The following ATP8A1 variants were observed in gnomAD, a reference collection of about 807,000 sequenced individuals.
ATP8A1 encodes the protein ATPase phospholipid transporting 8A1.
A neutral mutation model predicts 177.7 loss-of-function variants in ATP8A1; 90 were observed. That is an observed-to-expected ratio of 0.51 (90% CI 0.43 to 0.60). The LOEUF is 0.60. ATP8A1 is among the 20% of genes least tolerant of loss of function. ATP8A1 has a pLI of 0.00. For synonymous variants in ATP8A1, 493 were observed against 485.9 expected, an observed-to-expected ratio of 1.01 and a Z score of -0.19; for missense variants, 1,072 against 1,392.8, an observed-to-expected ratio of 0.77 and a Z score of 3.67.
intron 20 of ATP8A1, among the ~76,000 whole-genome samples, chr4:42,542,281 T>C (rs980281815): frequency 6.6e-6 from 1 of 152,136 alleles, no homozygotes; most frequent in Admixed American, 6.6e-5. Flanking sequence ...TGGAAGTCCA[T>C]CATTTTTTAT....
At chr4:42,625,880 A>C in intron 2 of ATP8A1, 167 bp from the exon 3 acceptor site, 1 of 429,620 alleles carries the variant, frequency 2.3e-6, no homozygotes, top group South Asian at 6.0e-5. Context: ...AAAGAGTGAA[A>C]AGGTTAAATA....
At chr4:42,611,611 ATCC>A (rs1736384853) in intron 5 of ATP8A1, among the ~76,000 whole-genome samples, 1 of 140,882 alleles carries the variant, frequency 7.1e-6, no homozygotes, top group Non-Finnish European at 1.6e-5. Flanking sequence ...AACTCCATCC[ATCC>A]TTTCCCAGGC....
At chr4:42,549,460 T>A (rs1350967700) in intron 18 of ATP8A1, among the ~76,000 whole-genome samples, 1 of 151,534 alleles carries the variant, frequency 6.6e-6, no homozygotes, top group African/African-American at 2.4e-5. Context: ...AGGGAAGCAA[T>A]GAAACAAACA....
At chr4:42,580,114 C>A (rs560136312) in intron 10 of ATP8A1, 136 bp from the exon 11 acceptor site, 5 of 650,264 alleles carry the variant, frequency 7.7e-6, no homozygotes, top group Non-Finnish European at 1.2e-5. Flanking sequence ...TTATGTGAAA[C>A]CCATGACAAA....
chr4:42,424,746 T>C (rs1304916043), intron 33 of ATP8A1, among the ~76,000 whole-genome samples: 1 of 152,268 alleles, frequency 6.6e-6, no homozygotes, highest in Non-Finnish European at 1.5e-5. Context: ...AACTGCTGTT[T>C]AAATTTTTTC....
rs1180505668 is a variant in ATP8A1, at chr4:42,567,006, C to A, written c.1340+2155G>T. Reference sequence around the variant, plus strand: ...TCAAAACCTCCTGATGATGCAACTACTATTATTATCTACATTCTTCCAGAT... The same window carrying A: ...TCAAAACCTCCTGATGATGCAACTAATATTATTATCTACATTCTTCCAGAT... On this transcript the variant is annotated intron_variant, in intron 15 of 36. Transcript: ENST00000381668. Among the ~76,000 whole-genome samples, 4 of 152,324 alleles carry A rather than the reference C, an allele frequency of 2.6e-5. No individual in the cohort carries two copies. In the East Asian group the frequency reaches 7.7e-4, roughly 29 times the overall value.
chr4:42,464,729 T>TA lies in ATP8A1; in HGVS notation c.2579dup (p.Leu860PhefsTer21). 6.2e-7 allele frequency: 1 copy of TA among 1,613,050 alleles called. No homozygotes were observed. Among genetic ancestry groups the TA allele is most frequent in the South Asian group, 1.1e-5 (1 of 91,054 alleles). ...GCACTATATTCTTGTAGAAGCAGTA[T>TA]AAGATGCACTTGGAGACTCTGTTAT... On this transcript the variant is annotated frameshift_variant, in exon 27 of 37. Coordinates refer to ENST00000381668, the MANE Select transcript of ATP8A1 (RefSeq NM_006095.2). LOFTEE classifies it high-confidence loss of function.
intron 27 of ATP8A1, among the ~76,000 whole-genome samples, chr4:42,464,157 A>G (rs1021886380): frequency 6.6e-6 from 1 of 152,160 alleles, no homozygotes; most frequent in African/African-American, 2.4e-5. Flanking sequence ...TGTATTTTTT[A>G]CATTAAATAC....
chr4:42,589,927 T>C (rs2345657), intron 7 of ATP8A1, among the ~76,000 whole-genome samples: 9 of 152,100 alleles, frequency 5.9e-5, no homozygotes, highest in Non-Finnish European at 1.0e-4. Context: ...ATGGCTAAGT[T>C]CTATTTGAAG....
chr4:42,477,156 A>G (rs922578249), intron 25 of ATP8A1, among the ~76,000 whole-genome samples: 2 of 152,218 alleles, frequency 1.3e-5, no homozygotes, highest in African/African-American at 2.4e-5. Flanking sequence ...GCACACAGGG[A>G]GCACTCAAAA....
At chr4:42,445,019 A>G (rs1210972856) in intron 31 of ATP8A1, among the ~76,000 whole-genome samples, 2 of 152,258 alleles carry the variant, frequency 1.3e-5, no homozygotes, top group Non-Finnish European at 2.9e-5. Context: ...CTTTCATATT[A>G]AAAGTCCAAC....
chr4:42,473,883 G>A (rs1578006204), intron 25 of ATP8A1, among the ~76,000 whole-genome samples: 1 of 151,280 alleles, frequency 6.6e-6, no homozygotes, highest in East Asian at 2.0e-4. Flanking sequence ...CGAACTCCTG[G>A]CCTCAAGCAA....
At chr4:42,639,623 T>C (rs1031913290) in intron 1 of ATP8A1, among the ~76,000 whole-genome samples, 1 of 152,196 alleles carries the variant, frequency 6.6e-6, no homozygotes, top group Non-Finnish European at 1.5e-5. Context: ...TCCTAGCCTA[T>C]AGTAAATACA....
In ATP8A1 at chr4:42,443,589, C is replaced by T. The variant is rs778148153; in HGVS notation, c.3099G>A (p.Pro1033=). The change falls in exon 33 of 37, where the codon CCG becomes CCA. Residue 1033 remains proline, a synonymous_variant. Coordinates refer to ENST00000381668, the MANE Select transcript of ATP8A1 (RefSeq NM_006095.2). ...GIYSSLWPAI[P]MAPDMSGEAA... ...CCTCTCCTGACATATCAGGGGCCAT[C>T]GGAATGGCAGGCCACAGAGATGAGT... 16 of 1,459,638 alleles carry T rather than the reference C, an allele frequency of 1.1e-5. 1 individual carries two copies. The highest frequency in any genetic ancestry group is 3.4e-5 in the South Asian group (3 of 87,948). The allele number at this position is 1,459,638 out of a possible 1,614,324, so 90.4% of individuals were successfully genotyped here. A position where few individuals can be genotyped will look rare whatever the true frequency, so the allele number is the denominator to read the frequency against.
At chr4:42,513,655 G>A (rs560096558) in intron 22 of ATP8A1, among the ~76,000 whole-genome samples, 1 of 152,280 alleles carries the variant, frequency 6.6e-6, no homozygotes, top group African/African-American at 2.4e-5. Context: ...AGTGACGTGT[G>A]GCAGTGAGGA....
chr4:42,559,238 A>G lies in ATP8A1; in HGVS notation c.1341-3198T>C, dbSNP rs75273480. 9.5e-3 allele frequency among the ~76,000 whole-genome samples: 1,445 copies of G among 152,350 alleles called. 17 individuals are homozygous for G. The highest frequency in any genetic ancestry group is 0.032 in the African/African-American group (1,345 of 41,578). On this transcript the variant is annotated intron_variant, in intron 15 of 36. Transcript: ENST00000381668. ...TGCAAGAAAAGTCAAAAGCTAAATG[A>G]CAAACTGGGAAAAAATATTTCCAAC... is the stretch of plus-strand genomic sequence containing the variant.
At position 42,582,574 on chromosome 4, in the gene ATP8A1, GATAAATACACAGATCTCAC is replaced by G. The variant is rs1347457884; in HGVS notation, c.723-861_723-843del. On this transcript the variant is annotated intron_variant, in intron 9 of 36. Coordinates refer to ENST00000381668, the MANE Select transcript of ATP8A1 (RefSeq NM_006095.2). Reference sequence around the variant, plus strand: ...AATAAAGGTGCAAAAAAATTCCTAAGATAAATACACAGATCTCACCACTTATTTGCATTGCCAGCCCTGA... The same window carrying G: ...AATAAAGGTGCAAAAAAATTCCTAAGCACTTATTTGCATTGCCAGCCCTGA... Among the ~76,000 whole-genome samples, 5 of 138,332 alleles carry G rather than the reference GATAAATACACAGATCTCAC, an allele frequency of 3.6e-5. No homozygotes were observed. In the East Asian group the frequency reaches 1.1e-3, roughly 30 times the overall value. The allele number at this position is 138,332 out of a possible 152,430, so 90.8% of individuals were successfully genotyped here.
intron 1 of ATP8A1, among the ~76,000 whole-genome samples, chr4:42,644,635 A>G (rs895308300): frequency 2.0e-5 from 3 of 152,166 alleles, no homozygotes; most frequent in African/African-American, 4.8e-5. Flanking sequence ...TAATCCCCAG[A>G]GCGTCAAGTG....
At chr4:42,481,358 T>C (rs1195270395) in intron 25 of ATP8A1, among the ~76,000 whole-genome samples, 1 of 152,134 alleles carries the variant, frequency 6.6e-6, no homozygotes, top group Admixed American at 6.6e-5. Flanking sequence ...ACGAAGCTGG[T>C]CCACTTTTAT....
Sources: allele counts gnomAD v4.1 joint callset (sites outside exome capture counted in the v4.1 genomes callset), GRCh38; gene constraint gnomAD v4.1.1; transcripts MANE v1.5; gene names NCBI Gene and HGNC (gene_info 2026-07-23, HGNC 2026-07-21).